Variants in P2RY6 observed in about 807,000 individuals in gnomAD.
P2RY6 encodes the protein P2Y purinoceptor 6.
Under a neutral mutation model 16.3 loss-of-function variants are expected in P2RY6, and 19 were observed. That is an observed-to-expected ratio of 1.16 (90% CI 0.81 to 1.71). P2RY6 has a LOEUF of 1.71. Ranked by LOEUF, P2RY6 falls within the 40% of genes most tolerant of loss-of-function variation. The pLI is 0.00. For synonymous variants in P2RY6, 184 were observed against 201.5 expected (o/e 0.91, Z 0.74); for missense variants, 389 against 455.5 (o/e 0.85, Z 1.33).
chr11:73,278,316 C>T (rs947877765), intron 1 of P2RY6, among the ~76,000 whole-genome samples: 8 of 152,072 alleles, frequency 5.3e-5, no homozygotes, highest in South Asian at 2.1e-4. Context: ...CACACCACCA[C>T]GGCCAGCTAA....
intron 1 of P2RY6, among the ~76,000 whole-genome samples, chr11:73,286,625 G>A (rs58073631): frequency 6.8e-4 from 103 of 151,268 alleles, no homozygotes; most frequent in African/African-American, 2.3e-3. Context: ...GAGCCCCGGC[G>A]CTCATCTTTA....
chr11:73,289,848 A>G (rs530783947), intron 1 of P2RY6, among the ~76,000 whole-genome samples: 1 of 152,328 alleles, frequency 6.6e-6, no homozygotes, highest in African/African-American at 2.4e-5. Flanking sequence ...TTCTTCGTCT[A>G]TAAAGGGGAG....
upstream of P2RY6, chr11:73,270,188 G>A (rs1244612154): frequency 6.6e-6 from 1 of 152,250 alleles, no homozygotes; most frequent in East Asian, 1.9e-4. Context: ...TTTGGCAGAT[G>A]AGGGAGCTGA....
chr11:73,277,951 T>C (rs1393899358), intron 1 of P2RY6, among the ~76,000 whole-genome samples: 4 of 152,094 alleles, frequency 2.6e-5, no homozygotes, highest in African/African-American at 9.7e-5. Flanking sequence ...CCCAATACAG[T>C]AGATGTGCTG....
chr11:73,287,511 G>A (rs1425657141), intron 1 of P2RY6, among the ~76,000 whole-genome samples: 1 of 152,226 alleles, frequency 6.6e-6, no homozygotes, highest in Non-Finnish European at 1.5e-5. Context: ...AGGGGGTCTG[G>A]GAACTGGGTG....
chr11:73,273,676 T>C (rs1264713812), intron 1 of P2RY6, among the ~76,000 whole-genome samples: 2 of 152,190 alleles, frequency 1.3e-5, no homozygotes, highest in African/African-American at 4.8e-5. Flanking sequence ...CCTTATCCTG[T>C]GGCTGTCTCT....
intron 1 of P2RY6, among the ~76,000 whole-genome samples, chr11:73,289,745 G>C (rs1254111543): frequency 1.3e-5 from 2 of 152,226 alleles, no homozygotes; most frequent in Admixed American, 1.3e-4. Flanking sequence ...GGGGAACAAT[G>C]GAGAAGGGGG....
At chr11:73,270,998 A>AGT (rs1253397256), upstream of P2RY6, among the ~76,000 whole-genome samples, 6 of 152,208 alleles carry the variant, frequency 3.9e-5, no homozygotes, top group Non-Finnish European at 8.8e-5. Context: ...TAACCAAAAG[A>AGT]AACTAATCTC....
rs375003298 is a variant in P2RY6, at chr11:73,297,802, G to A, written c.*297G>A. The A allele has an allele frequency of 7.4e-4, 310 of 418,736 alleles. 5 individuals carry two copies. The South Asian group carries it at 0.013, about 17-fold the overall frequency. 25.9% of individuals were successfully genotyped at this position (418,736 alleles called of 1,614,324 possible). On this transcript the variant is annotated 3_prime_UTR_variant, in exon 3 of 3. Coordinates refer to ENST00000540124, the MANE Select transcript of P2RY6 (RefSeq NM_001277204.2). ...ACAAAAATACAGTGTGACGTGTACT[G>A]TCATCAAGGGGTATGCTCCATGCTT...
At position 73,286,686 on chromosome 11, in the gene P2RY6, C is replaced by T. The variant is rs1773879973; in HGVS notation, c.-120-9044C>T. Among the ~76,000 whole-genome samples, 4 of 152,214 alleles carry T rather than the reference C, an allele frequency of 2.6e-5. No individual in the cohort carries two copies. In the South Asian group the frequency reaches 8.3e-4, roughly 32 times the overall value. On this transcript the variant is annotated intron_variant, in intron 1 of 2. Coordinates refer to ENST00000540124, the MANE Select transcript of P2RY6 (RefSeq NM_001277204.2). ...TTCCCAGTGCCTCTTGGGCCAAAGC[C>T]TATACTGGTCTCTGAGGCTCCAGAG...
intron 1 of P2RY6, among the ~76,000 whole-genome samples, chr11:73,286,292 G>T (rs1036845156): frequency 1.3e-4 from 20 of 152,178 alleles, no homozygotes; most frequent in African/African-American, 4.3e-4. Flanking sequence ...ATCAAGGCAG[G>T]GGCTGCCTTT....
Position 73,297,300 on chromosome 11 carries a change from C to G in P2RY6, c.782C>G (p.Ala261Gly). The G allele has an allele frequency of 1.2e-6, 2 of 1,609,408 alleles. No homozygotes were observed. Among genetic ancestry groups the G allele is most frequent in the Non-Finnish European group, 1.7e-6 (2 of 1,178,740 alleles). ...CTGCCTTTTCACATCACCAAGACAG[C>G]CTACCTGGCAGTGCGCTCGACGCCG... Reference protein sequence around the residue: ...SFLPFHITKTAYLAVRSTPGV... With the variant: ...SFLPFHITKTGYLAVRSTPGV... The change falls in exon 3 of 3, where the codon GCC (alanine) becomes GGC (glycine). Residue 261 changes from alanine (A) to glycine (G), a missense_variant. Transcript: ENST00000540124.
intron 1 of P2RY6, among the ~76,000 whole-genome samples, chr11:73,285,648 G>A (rs905121530): frequency 6.6e-6 from 1 of 152,196 alleles, no homozygotes; most frequent in Non-Finnish European, 1.5e-5. Flanking sequence ...GCTGTTGGGG[G>A]CCTTAGTTTC....
chr11:73,297,443 C>A lies in P2RY6; in HGVS notation c.925C>A (p.Arg309Ser). ...CTTCTACTTCACCCAGAAGAAGTTCCGCCGGCGACCACATGAGCTCCTACA... is the reference window on the plus strand; with the variant it reads ...CTTCTACTTCACCCAGAAGAAGTTCAGCCGGCGACCACATGAGCTCCTACA... ...ILFYFTQKKFRRRPHELLQKL... is the reference protein window; with the variant it reads ...ILFYFTQKKFSRRPHELLQKL... The change falls in exon 3 of 3, where the codon CGC (arginine) becomes AGC (serine). Residue 309 changes from arginine to serine, a missense_variant. By Grantham distance (110) the Arg-to-Ser change is moderately radical. Transcript: ENST00000540124. The A allele has an allele frequency of 6.2e-7, 1 of 1,612,466 alleles. No individual in the cohort carries two copies. The highest frequency in any genetic ancestry group is 8.5e-7 in the Non-Finnish European group (1 of 1,179,762).
rs762737082 is a variant in P2RY6 at position 73,296,707 on chromosome 11, G to A, written c.189G>A (p.Val63=). The A allele has an allele frequency of 6.2e-7, 1 of 1,614,022 alleles. No individual in the cohort carries two copies. The highest frequency in any genetic ancestry group is 1.1e-5 in the South Asian group (1 of 91,088). ...TSRRALTRTA[V]YTLNLALADL... Reference sequence around the variant, plus strand: ...GCCGGGCCCTGACCCGCACGGCCGTGTACACCCTAAACCTTGCTCTGGCTG... The same window carrying A: ...GCCGGGCCCTGACCCGCACGGCCGTATACACCCTAAACCTTGCTCTGGCTG... The change falls in exon 3 of 3, where the codon GTG becomes GTA. Residue 63 remains valine, a synonymous_variant. Transcript: ENST00000540124.
chr11:73,284,390 C>T (rs1025813899), intron 1 of P2RY6, among the ~76,000 whole-genome samples: 3 of 151,990 alleles, frequency 2.0e-5, no homozygotes, highest in African/African-American at 7.3e-5. Flanking sequence ...GATCCTTGGC[C>T]GGGCCCTGGT....
chr11:73,290,671 A>G (rs184114698), intron 1 of P2RY6, among the ~76,000 whole-genome samples: 40 of 152,364 alleles, frequency 2.6e-4, no homozygotes, highest in Admixed American at 2.3e-3. Flanking sequence ...CAGCCTTGTT[A>G]TGTGTCCAGG....
chr11:73,268,843 G>A (rs553987962), upstream of P2RY6, among the ~76,000 whole-genome samples: 142 of 152,334 alleles, frequency 9.3e-4, 2 homozygotes, highest in Admixed American at 3.9e-4. Context: ...GCCAATGGGC[G>A]GTGGCCAGGG....
chr11:73,268,141 G>A (rs534379317), upstream of P2RY6, among the ~76,000 whole-genome samples: 3 of 152,360 alleles, frequency 2.0e-5, no homozygotes, highest in Non-Finnish European at 4.4e-5. Flanking sequence ...AGCTGTTTCC[G>A]GGGCTGGGTG....
Sources: allele counts gnomAD v4.1 joint callset (sites outside exome capture counted in the v4.1 genomes callset), GRCh38; gene constraint gnomAD v4.1.1; transcripts MANE v1.5; gene names NCBI Gene and HGNC (gene_info 2026-07-23, HGNC 2026-07-21).